The following CPLX2 variants were observed in gnomAD, a reference collection of about 807,000 sequenced individuals.
CPLX2 encodes complexin 2, also known as complexin-2.
A neutral mutation model predicts 16.3 loss-of-function variants in CPLX2; 5 were observed. The observed-to-expected ratio is 0.31, with a 90% CI of 0.16 to 0.64. CPLX2 has a LOEUF of 0.64. Among genes scored for constraint, CPLX2 ranks in the 30% least tolerant of loss-of-function variants. CPLX2 has a pLI of 0.79. For missense variants in CPLX2, 144 were observed against 181.4 expected (o/e 0.79, Z 1.18); for synonymous variants, 89 against 73.2 (o/e 1.22, Z -1.10).
At chr5:175,796,638 C>T (rs1320320205) in exon 1 of CPLX2, 2 of 152,680 alleles carry the variant, frequency 1.3e-5, no homozygotes, top group Non-Finnish European at 2.9e-5. Flanking sequence ...AGAAACGGGG[C>T]TTGGCGCCCC....
chr5:175,862,706 T>C (rs1356974869), intron 2 of CPLX2, among the ~76,000 whole-genome samples: 1 of 152,206 alleles, frequency 6.6e-6, no homozygotes. Flanking sequence ...TTAAAGTGTC[T>C]TTAAACAAGA....
chr5:175,841,794 G>T (rs1189383544), intron 2 of CPLX2, among the ~76,000 whole-genome samples: 2 of 152,192 alleles, frequency 1.3e-5, no homozygotes, highest in African/African-American at 2.4e-5. Context: ...TGCCTGGGTG[G>T]GAGTGACCTT....
chr5:175,839,885 T>C (rs1174810496), intron 2 of CPLX2, among the ~76,000 whole-genome samples: 3 of 152,234 alleles, frequency 2.0e-5, no homozygotes, highest in African/African-American at 7.2e-5. Flanking sequence ...CTCTGGACTA[T>C]TACATTCAAA....
chr5:175,866,711 C>T (rs1372880364), upstream of CPLX2, among the ~76,000 whole-genome samples: 1 of 152,142 alleles, frequency 6.6e-6, no homozygotes, highest in Middle Eastern at 3.2e-3. Context: ...CAGGGAATTT[C>T]CACATGGACT....
In CPLX2 at chr5:175,879,895, C is replaced by A. The variant is rs776563428; in HGVS notation, c.255C>A (p.Ala85=). 6.2e-7 allele frequency: 1 copy of A among 1,613,548 alleles called. No individual in the cohort carries two copies. The highest frequency in any genetic ancestry group is 8.5e-7 in the Non-Finnish European group (1 of 1,179,798). ...KEEKEAEEKA[A]LEQPCEGSLT... is the part of the protein sequence containing the mutation. ...AGAAGGAAGCAGAGGAGAAAGCAGC[C>A]CTGGAGCAGCCCTGCGAGGGGAGCC... Residue 85 remains alanine, a synonymous_variant, in exon 4 of 4, where the codon GCC becomes GCA. Coordinates refer to ENST00000393745, the MANE Select transcript of CPLX2 (RefSeq NM_001008220.2).
At chr5:175,826,219 C>T (rs543350294) in intron 2 of CPLX2, among the ~76,000 whole-genome samples, 9 of 152,144 alleles carry the variant, frequency 5.9e-5, no homozygotes, top group Non-Finnish European at 1.0e-4. Context: ...TCTCAGAAGA[C>T]GGACCTTTGA....
intron 1 of CPLX2, among the ~76,000 whole-genome samples, chr5:175,807,989 G>A (rs1758242045): frequency 1.3e-5 from 2 of 152,196 alleles, no homozygotes; most frequent in African/African-American, 4.8e-5. Context: ...GCTTCCTGGA[G>A]CCACTGAGAG....
chr5:175,806,931 G>A (rs1758217011), intron 1 of CPLX2, among the ~76,000 whole-genome samples: 1 of 152,206 alleles, frequency 6.6e-6, no homozygotes, highest in African/African-American at 2.4e-5. Flanking sequence ...GCCATCCTCT[G>A]TGTGGTAGGG....
exon 1 of CPLX2, chr5:175,796,716 G>C (rs1757982726): frequency 6.6e-6 from 1 of 152,416 alleles, no homozygotes; most frequent in Admixed American, 6.5e-5. Context: ...AAGAGGGGGA[G>C]GGAGAAACGC....
chr5:175,820,420 CA>C (rs1758483632), intron 2 of CPLX2, among the ~76,000 whole-genome samples: 1 of 152,224 alleles, frequency 6.6e-6, no homozygotes, highest in Non-Finnish European at 1.5e-5. Flanking sequence ...GCAGCCACAA[CA>C]GGCCACTGGT....
At chr5:175,823,585 G>A (rs1758552644) in intron 2 of CPLX2, among the ~76,000 whole-genome samples, 1 of 152,338 alleles carries the variant, frequency 6.6e-6, no homozygotes, top group South Asian at 2.1e-4. Flanking sequence ...AAGTTCGGGA[G>A]AGAGGTCTGG....
intron 2 of CPLX2, among the ~76,000 whole-genome samples, chr5:175,852,750 A>G (rs936226089): frequency 4.6e-5 from 7 of 152,228 alleles, no homozygotes; most frequent in African/African-American, 1.7e-4. Context: ...GCTGAGGCCA[A>G]GGACCAGCTA....
intron 2 of CPLX2, among the ~76,000 whole-genome samples, chr5:175,829,390 A>G (rs1419155389): frequency 6.6e-6 from 1 of 152,114 alleles, no homozygotes; most frequent in Non-Finnish European, 1.5e-5. Context: ...CTCGGGAAGA[A>G]GGCCCCGCTC....
chr5:175,874,339 C>T (rs1759708773), intron 1 of CPLX2, among the ~76,000 whole-genome samples: 1 of 152,148 alleles, frequency 6.6e-6, no homozygotes, highest in Non-Finnish European at 1.5e-5. Flanking sequence ...CCTCGGCACC[C>T]CCATCCCAAT....
At chr5:175,828,786 A>C (rs1758670031) in intron 2 of CPLX2, among the ~76,000 whole-genome samples, 1 of 152,082 alleles carries the variant, frequency 6.6e-6, no homozygotes, top group Non-Finnish European at 1.5e-5. Context: ...CACTCAGGCA[A>C]TTTCTGCCCC....
At chr5:175,875,617 C>T (rs534474284) in intron 1 of CPLX2, among the ~76,000 whole-genome samples, 17 of 152,286 alleles carry the variant, frequency 1.1e-4, no homozygotes, top group Middle Eastern at 3.4e-3. Flanking sequence ...CTGAGTCAGG[C>T]ATGCCTAACC....
intron 2 of CPLX2, among the ~76,000 whole-genome samples, chr5:175,819,142 G>A (rs953147205): frequency 6.6e-6 from 1 of 152,182 alleles, no homozygotes; most frequent in African/African-American, 2.4e-5. Context: ...TGCAGTTCTA[G>A]TGTTGATAGC....
At chr5:175,827,959 T>C (rs1241053197) in intron 2 of CPLX2, among the ~76,000 whole-genome samples, 1 of 152,236 alleles carries the variant, frequency 6.6e-6, no homozygotes, top group Non-Finnish European at 1.5e-5. Context: ...CAGTGGAGTC[T>C]ATTTTAGGTA....
In CPLX2 at chr5:175,883,219, G is replaced by T. The variant is rs1042417348; in HGVS notation, c.*3174G>T. On this transcript the variant is annotated 3_prime_UTR_variant, in exon 4 of 4. Coordinates refer to ENST00000393745, the MANE Select transcript of CPLX2 (RefSeq NM_001008220.2). ...CCCATGCCTGGGAGGAGCTGCCAGAGAGAAGCAAAAAGGCGGCTGTGGATC... is the reference window on the plus strand; with the variant it reads ...CCCATGCCTGGGAGGAGCTGCCAGATAGAAGCAAAAAGGCGGCTGTGGATC... 1 of 152,308 alleles carries T rather than the reference G, an allele frequency of 6.6e-6. No individual in the cohort carries two copies. The highest frequency in any genetic ancestry group is 2.4e-5 in the African/African-American group (1 of 41,456). The allele number at this position is 152,308 out of a possible 1,614,324, so 9.4% of individuals were successfully genotyped here. A position where few individuals can be genotyped will look rare whatever the true frequency, so the allele number is the denominator to read the frequency against.
Sources: allele counts gnomAD v4.1 joint callset (sites outside exome capture counted in the v4.1 genomes callset), GRCh38; gene constraint gnomAD v4.1.1; transcripts MANE v1.5; gene names NCBI Gene and HGNC (gene_info 2026-07-23, HGNC 2026-07-21).